The following MRPL3 variants were observed in gnomAD, a reference collection of about 807,000 sequenced individuals.
MRPL3 encodes the protein mitochondrial ribosomal protein L3.
A neutral mutation model predicts 44.3 loss-of-function variants in MRPL3; 43 were observed. The observed-to-expected ratio is 0.97, with a 90% CI of 0.76 to 1.25. The LOEUF (loss-of-function observed/expected upper bound fraction) is 1.25. Among genes scored for constraint, MRPL3 ranks in the 50% most tolerant of loss-of-function variants. MRPL3 has a pLI of 0.00. For synonymous variants in MRPL3, 171 were observed against 152.3 expected, an observed-to-expected ratio of 1.12 and a Z score of -0.91; for missense variants, 406 against 427.6, an observed-to-expected ratio of 0.95 and a Z score of 0.45.
chr3:131,469,017 G>T (rs984906647), intron 8 of MRPL3, among the ~76,000 whole-genome samples: 2 of 152,010 alleles, frequency 1.3e-5, no homozygotes, highest in Admixed American at 6.6e-5. Flanking sequence ...AACATTAGTT[G>T]TTTAACAGAA....
chr3:131,487,415 T>C (rs1934151273), intron 6 of MRPL3: 2 of 323,044 alleles, frequency 6.2e-6, no homozygotes, highest in Non-Finnish European at 1.1e-5. Flanking sequence ...AACCTGCACG[T>C]TGTGCACATG....
chr3:131,466,221 A>T (rs1422011079), intron 9 of MRPL3, among the ~76,000 whole-genome samples: 1 of 152,188 alleles, frequency 6.6e-6, no homozygotes. Flanking sequence ...ATGAAAAAAA[A>T]TATATAAGGA....
At chr3:131,495,058 C>G (rs1186145016) in intron 4 of MRPL3, among the ~76,000 whole-genome samples, 1 of 151,734 alleles carries the variant, frequency 6.6e-6, no homozygotes, top group Non-Finnish European at 1.5e-5. Flanking sequence ...TAATAAGGTA[C>G]AAAACAAAAA....
intron 6 of MRPL3, among the ~76,000 whole-genome samples, chr3:131,475,714 C>T (rs1431499795): frequency 2.0e-5 from 3 of 152,172 alleles, no homozygotes; most frequent in Non-Finnish European, 4.4e-5. Context: ...TAAAAACCCA[C>T]TATTAATTAT....
chr3:131,499,801 A>G (rs914361135), intron 3 of MRPL3, among the ~76,000 whole-genome samples: 8 of 152,170 alleles, frequency 5.3e-5, no homozygotes, highest in African/African-American at 1.9e-4. Flanking sequence ...TTTAGTGGAC[A>G]CTTAACATTG....
Position 131,468,063 on chromosome 3 carries a change from GAAA to G in MRPL3, c.894+25_894+27del, listed in dbSNP as rs374998359. ...CGAGTAAGAAACAAAAAAAAAAAAG[GAAA>G]AAAAAAGAAGACACTTATACTTACC... On this transcript the variant is annotated intron_variant, in intron 9 of 9. Transcript: ENST00000264995. 4 of 1,139,724 alleles carry G rather than the reference GAAA, an allele frequency of 3.5e-6. No homozygotes were observed. The East Asian group carries it at 1.1e-4, about 31-fold the overall frequency. The allele number at this position is 1,139,724 out of a possible 1,614,324, so 70.6% of individuals were successfully genotyped here.
At position 131,462,956 on chromosome 3, in the gene MRPL3, A is replaced by T. The variant is rs1045886425; in HGVS notation, c.895-81T>A. On this transcript the variant is annotated intron_variant, in intron 9 of 9. Transcript: ENST00000264995. ...TTCAGCTATTATTCATAATCAAAGA[A>T]ATACTCGCTACTACATTTTCTAATG... is the stretch of plus-strand genomic sequence containing the variant. 2.9e-5 allele frequency: 34 copies of T among 1,180,692 alleles called. No homozygotes were observed. The South Asian group carries it at 5.3e-4, about 18-fold the overall frequency. The allele number at this position is 1,180,692 out of a possible 1,614,324, so 73.1% of individuals were successfully genotyped here. A position where few individuals can be genotyped will look rare whatever the true frequency, so the allele number is the denominator to read the frequency against.
At chr3:131,478,452 T>C (rs1582707486) in intron 6 of MRPL3, among the ~76,000 whole-genome samples, 1 of 152,134 alleles carries the variant, frequency 6.6e-6, no homozygotes, top group Admixed American at 6.6e-5. Context: ...ACTTAGATGG[T>C]TCCCTAGTAA....
intron 4 of MRPL3, among the ~76,000 whole-genome samples, chr3:131,494,333 A>G (rs1176512755): frequency 1.3e-5 from 2 of 152,208 alleles, no homozygotes; most frequent in African/African-American, 4.8e-5. Flanking sequence ...CCTGCTTTTC[A>G]TCTTCAATCA....
At chr3:131,474,865 G>A (rs1365258132) in intron 6 of MRPL3, among the ~76,000 whole-genome samples, 2 of 151,026 alleles carry the variant, frequency 1.3e-5, no homozygotes, top group Admixed American at 1.3e-4. Flanking sequence ...TTAAACTCCT[G>A]GGCTCAAGCA....
At chr3:131,471,866 C>G (rs978690091) in intron 6 of MRPL3, among the ~76,000 whole-genome samples, 17 of 152,192 alleles carry the variant, frequency 1.1e-4, no homozygotes, top group African/African-American at 3.9e-4. Flanking sequence ...CCAACTTCCA[C>G]AGCTAGTGTA....
intron 4 of MRPL3, chr3:131,497,879 C>A (rs983943732): frequency 1.5e-5 from 4 of 275,432 alleles, no homozygotes; most frequent in African/African-American, 2.3e-5. Flanking sequence ...CTAATTTAAT[C>A]CTTGTGATAA....
At chr3:131,476,258 A>G (rs757409659) in intron 6 of MRPL3, among the ~76,000 whole-genome samples, 1 of 152,214 alleles carries the variant, frequency 6.6e-6, no homozygotes, top group Non-Finnish European at 1.5e-5. Context: ...CAAAAGAACA[A>G]AACACAAATA....
At chr3:131,471,091 C>A in intron 7 of MRPL3, 80 bp downstream of exon 7, 1 of 967,856 alleles carries the variant, frequency 1.0e-6, no homozygotes, top group African/African-American at 1.6e-5. Context: ...TATGTGACTT[C>A]ATATCAAGGA....
intron 3 of MRPL3, among the ~76,000 whole-genome samples, chr3:131,499,923 G>A (rs1225114591): frequency 6.6e-6 from 1 of 152,144 alleles, no homozygotes; most frequent in East Asian, 1.9e-4. Flanking sequence ...GAGGCACAGT[G>A]CTCCAAGGAA....
intron 9 of MRPL3, among the ~76,000 whole-genome samples, chr3:131,464,957 A>G (rs1933569158): frequency 6.6e-6 from 1 of 152,250 alleles, no homozygotes; most frequent in Admixed American, 6.5e-5. Flanking sequence ...AACGTAAATA[A>G]TGGAGTGAAA....
intron 9 of MRPL3, among the ~76,000 whole-genome samples, chr3:131,465,891 C>CTTTTTT (rs55635822): frequency 3.0e-5 from 4 of 133,348 alleles, no homozygotes; most frequent in Non-Finnish European, 6.2e-5. Flanking sequence ...CTTTTTCTCT[C>CTTTTTT]TTTTTTTTTT....
At position 131,471,581 on chromosome 3, in the gene MRPL3, G is replaced by A. The variant is rs115850789; in HGVS notation, c.630-302C>T. On this transcript the variant is annotated intron_variant, in intron 6 of 9. Coordinates refer to ENST00000264995, the MANE Select transcript of MRPL3 (RefSeq NM_007208.4). ...AGGAGTTTTATCATCCTAATTCTGT[G>A]AAGATGACACAGTAAAAATGGAAAA... 3.2e-3 allele frequency among the ~76,000 whole-genome samples: 483 copies of A among 152,242 alleles called. 2 individuals are homozygous for A. The highest frequency in any genetic ancestry group is 0.011 in the African/African-American group (467 of 41,534).
intron 6 of MRPL3, among the ~76,000 whole-genome samples, chr3:131,477,086 G>A (rs1277168981): frequency 6.6e-6 from 1 of 152,138 alleles, no homozygotes; most frequent in Admixed American, 6.5e-5. Flanking sequence ...GCTATACTGT[G>A]ACAAATGCCT....
Sources: allele counts gnomAD v4.1 joint callset (sites outside exome capture counted in the v4.1 genomes callset), GRCh38; gene constraint gnomAD v4.1.1; transcripts MANE v1.5; gene names NCBI Gene and HGNC (gene_info 2026-07-23, HGNC 2026-07-21).